Variants in TNR observed in about 807,000 individuals in gnomAD.
TNR encodes tenascin R.
A neutral mutation model predicts 150.4 loss-of-function variants in TNR; 45 were observed. That is an observed-to-expected ratio of 0.30 (90% confidence interval 0.24 to 0.38). TNR has a LOEUF of 0.38. TNR is among the 10% of genes least tolerant of loss of function. TNR has a pLI of 1.00. For missense variants in TNR, 1,544 were observed against 1,759.1 expected (o/e 0.88, Z 2.19); for synonymous variants, 687 against 678.4 (o/e 1.01, Z -0.20).
rs148938642 is a variant in TNR, at chr1:175,605,916, C to G, written c.-164-77547G>C. ...GCTCTCTGCTGTTTGGTCTGTCTAT[C>G]TATCAGAAGAGCTGGCGAGAGAGAT... On this transcript the variant is annotated intron_variant, in intron 1 of 22. Coordinates refer to ENST00000367674, the MANE Select transcript of TNR (RefSeq NM_003285.3). Among the ~76,000 whole-genome samples the G allele has an allele frequency of 2.6e-5, 4 of 152,290 alleles. No homozygotes were observed. The East Asian group carries it at 7.7e-4, about 29-fold the overall frequency.
At chr1:175,597,652 T>A (rs573547368) in intron 1 of TNR, among the ~76,000 whole-genome samples, 1 of 152,294 alleles carries the variant, frequency 6.6e-6, no homozygotes, top group Non-Finnish European at 1.5e-5. Flanking sequence ...AGAGGCCTAT[T>A]GGTTTGGAAT....
intron 18 of TNR, among the ~76,000 whole-genome samples, chr1:175,352,372 T>C (rs1204866273): frequency 1.3e-5 from 2 of 152,226 alleles, no homozygotes; most frequent in African/African-American, 2.4e-5. Flanking sequence ...CTAATAAATA[T>C]GCAAATTGGG....
Position 175,317,028 on chromosome 1 carries a change from T to C in TNR, c.*6329A>G, listed in dbSNP as rs1327588622. On this transcript the variant is annotated 3_prime_UTR_variant, in exon 23 of 23. Transcript: ENST00000367674. ...CAAAATTAGACAAAGGTTCAGATTA[T>C]GGCTCTATTTAGTAGCTGTGTGACT... is the stretch of plus-strand genomic sequence containing the variant. 2 of 152,358 alleles carry C rather than the reference T, an allele frequency of 1.3e-5. No individual in the cohort carries two copies. Among genetic ancestry groups the C allele is most frequent in the Non-Finnish European group, 2.9e-5 (2 of 68,038 alleles). The allele number at this position is 152,358 out of a possible 1,614,324, so 9.4% of individuals were successfully genotyped here. A position where few individuals can be genotyped will look rare whatever the true frequency, so the allele number is the denominator to read the frequency against.
intron 9 of TNR, among the ~76,000 whole-genome samples, chr1:175,372,375 A>C (rs965224673): frequency 5.3e-5 from 8 of 152,296 alleles, no homozygotes; most frequent in African/African-American, 1.9e-4. Context: ...CACGATCAGC[A>C]GGGAGAAGAT....
intron 2 of TNR, among the ~76,000 whole-genome samples, chr1:175,501,975 G>A (rs1015762410): frequency 1.3e-5 from 2 of 152,158 alleles, no homozygotes; most frequent in Admixed American, 1.3e-4. Flanking sequence ...AGAATACAGG[G>A]TACCAGGGAT....
intron 1 of TNR, among the ~76,000 whole-genome samples, chr1:175,593,852 AAAC>A (rs1279497002): frequency 6.6e-6 from 1 of 152,194 alleles, no homozygotes; most frequent in Non-Finnish European, 1.5e-5. Flanking sequence ...GTGTCCTCCC[AAAC>A]AGATGGGGCA....
At chr1:175,692,247 C>T (rs1385059687) in intron 1 of TNR, among the ~76,000 whole-genome samples, 3 of 146,334 alleles carry the variant, frequency 2.1e-5, no homozygotes, top group Non-Finnish European at 3.0e-5. Context: ...TGGTCTGGGT[C>T]GGGACACTCC....
At chr1:175,741,940 G>A (rs539945138) in intron 1 of TNR, among the ~76,000 whole-genome samples, 1 of 152,270 alleles carries the variant, frequency 6.6e-6, no homozygotes, top group South Asian at 2.1e-4. Flanking sequence ...TAAACAGTTA[G>A]GGGTTAAATC....
At chr1:175,521,549 G>C (rs1403157794) in intron 2 of TNR, among the ~76,000 whole-genome samples, 5 of 152,230 alleles carry the variant, frequency 3.3e-5, no homozygotes, top group Non-Finnish European at 7.3e-5. Context: ...TCCAAGGGTT[G>C]GCACAGGTGC....
At chr1:175,356,523 C>T in intron 15 of TNR, 61 bp from the exon 16 acceptor site, 1 of 1,588,302 alleles carries the variant, frequency 6.3e-7, no homozygotes, top group Non-Finnish European at 8.6e-7. Context: ...GAAAGATCTA[C>T]CAAATCCAAA....
At chr1:175,373,085 T>C (rs1652178914) in intron 9 of TNR, among the ~76,000 whole-genome samples, 1 of 152,160 alleles carries the variant, frequency 6.6e-6, no homozygotes, top group Non-Finnish European at 1.5e-5. Context: ...AGAAGCAGCA[T>C]GGTGCTGGTG....
At chr1:175,506,512 T>C (rs925243956) in intron 2 of TNR, among the ~76,000 whole-genome samples, 3 of 152,200 alleles carry the variant, frequency 2.0e-5, no homozygotes, top group African/African-American at 7.2e-5. Context: ...TAGGCTAATC[T>C]GACTGGCATC....
At position 175,598,120 on chromosome 1, in the gene TNR, G is replaced by A. The variant is rs151209593; in HGVS notation, c.-164-69751C>T. Among the ~76,000 whole-genome samples, 223 of 152,252 alleles carry A rather than the reference G, an allele frequency of 1.5e-3. 1 individual carries two copies. Among genetic ancestry groups the A allele is most frequent in the African/African-American group, 5.2e-3 (214 of 41,538 alleles). ...ATATAAGGCAGTAAGGCAAGGGACCGTCCTTGCATTAGTCAAACAGGATGT... is the reference window on the plus strand; with the variant it reads ...ATATAAGGCAGTAAGGCAAGGGACCATCCTTGCATTAGTCAAACAGGATGT... On this transcript the variant is annotated intron_variant, in intron 1 of 22. Coordinates refer to ENST00000367674, the MANE Select transcript of TNR (RefSeq NM_003285.3).
rs1557868419 is a variant in TNR, at chr1:175,331,131, T to TCTC, written c.3632-897_3632-896insGAG. On this transcript the variant is annotated intron_variant, in intron 20 of 22. Coordinates refer to ENST00000367674, the MANE Select transcript of TNR (RefSeq NM_003285.3). The stretch of plus-strand genomic sequence containing the variant: ...TCTCTTTCTTTTCTTTCTTTCTTTC[T>TCTC]TTTCTTTCTTTCTTCCTTTCTTTCT... 3.3e-3 allele frequency among the ~76,000 whole-genome samples: 402 copies of TCTC among 121,554 alleles called. 1 individual carries two copies. The highest frequency in any genetic ancestry group is 5.8e-3 in the East Asian group (22 of 3,812). The allele number at this position is 121,554 out of a possible 152,430, so 79.7% of individuals were successfully genotyped here.
chr1:175,627,501 A>G (rs1415680250), intron 1 of TNR, among the ~76,000 whole-genome samples: 1 of 152,200 alleles, frequency 6.6e-6, no homozygotes, highest in Non-Finnish European at 1.5e-5. Flanking sequence ...TTCTATTATT[A>G]TATCAGTTAC....
chr1:175,437,168 A>T lies in TNR; in HGVS notation c.-63-30391T>A, dbSNP rs561765342. On this transcript the variant is annotated intron_variant, in intron 2 of 22. Transcript: ENST00000367674. ...CAAATGTAAAAGAACAGAAATTATA[A>T]CAAACTGTCTCTCAGACCACAGTGC... Among the ~76,000 whole-genome samples the T allele has an allele frequency of 6.2e-3, 939 of 152,326 alleles. 8 individuals carry two copies. The highest frequency in any genetic ancestry group is 0.022 in the African/African-American group (897 of 41,580).
chr1:175,394,941 G>A (rs1653355610), intron 5 of TNR, among the ~76,000 whole-genome samples: 1 of 152,166 alleles, frequency 6.6e-6, no homozygotes, highest in African/African-American at 2.4e-5. Context: ...AGTTAGGCCA[G>A]GCACTTAGGG....
intron 1 of TNR, among the ~76,000 whole-genome samples, chr1:175,722,723 C>T (rs893323478): frequency 6.6e-6 from 1 of 152,060 alleles, no homozygotes; most frequent in Non-Finnish European, 1.5e-5. Flanking sequence ...CCTCAGCCTT[C>T]CAAAGTGCTG....
chr1:175,638,229 C>T (rs1664543575), intron 1 of TNR, among the ~76,000 whole-genome samples: 1 of 152,170 alleles, frequency 6.6e-6, no homozygotes, highest in African/African-American at 2.4e-5. Flanking sequence ...GGAAGAGATG[C>T]CTTACAACTC....
Sources: allele counts gnomAD v4.1 joint callset (sites outside exome capture counted in the v4.1 genomes callset), GRCh38; gene constraint gnomAD v4.1.1; transcripts MANE v1.5; gene names NCBI Gene and HGNC (gene_info 2026-07-23, HGNC 2026-07-21).